The following SPATS1 variants were observed in gnomAD, a reference collection of about 807,000 sequenced individuals.
SPATS1 encodes spermatogenesis associated serine rich 1, also known as spermatogenesis-associated serine-rich protein 1.
In SPATS1, 23 loss-of-function variants were observed where a neutral mutation model predicts 33.6. That is an observed-to-expected ratio of 0.68 (90% CI 0.49 to 0.97). The LOEUF (loss-of-function observed/expected upper bound fraction) is 0.97, where lower values mean the gene tolerates loss of function less well. Among genes scored for constraint, SPATS1 ranks in the 50% least tolerant of loss-of-function variants. The pLI is 0.00. For missense variants in SPATS1, 327 were observed against 361.0 expected (o/e 0.91, Z 0.76); for synonymous variants, 131 against 125.6 (o/e 1.04, Z -0.29).
At chr6:44,362,687 G>A (rs1788993719) in intron 5 of SPATS1, among the ~76,000 whole-genome samples, 1 of 152,168 alleles carries the variant, frequency 6.6e-6, no homozygotes, top group Non-Finnish European at 1.5e-5. Flanking sequence ...TCATTTTTGA[G>A]TTTTAAAATA....
Position 44,376,652 on chromosome 6 carries a change from T to G in SPATS1, c.874+179T>G, listed in dbSNP as rs59061509. Reference sequence around the variant, plus strand: ...CCGTCTCTACTAAAAATACAAAAATTAGCTGGGTGTGGTGGCGCGTGCCTG... The same window carrying G: ...CCGTCTCTACTAAAAATACAAAAATGAGCTGGGTGTGGTGGCGCGTGCCTG... On this transcript the variant is annotated intron_variant, in intron 8 of 8. Coordinates refer to ENST00000674044, the MANE Select transcript of SPATS1 (RefSeq NM_001372081.1). 2.5e-3 allele frequency among the ~76,000 whole-genome samples: 374 copies of G among 152,120 alleles called. 11 individuals are homozygous for G. In the East Asian group the frequency reaches 0.067, roughly 27 times the overall value.
chr6:44,345,829 C>G (rs1161224736), intron 2 of SPATS1, among the ~76,000 whole-genome samples: 1 of 152,182 alleles, frequency 6.6e-6, no homozygotes, highest in Non-Finnish European at 1.5e-5. Flanking sequence ...ACATGCACTT[C>G]TCATAGGCTT....
At chr6:44,374,276 T>TA (rs764404044) in intron 7 of SPATS1, among the ~76,000 whole-genome samples, 31 of 152,240 alleles carry the variant, frequency 2.0e-4, no homozygotes, top group Non-Finnish European at 4.1e-4. Context: ...TATATTTCCT[T>TA]ACTTTTGTTC....
chr6:44,362,133 T>A, intron 5 of SPATS1, 141 bp downstream of exon 5: 1 of 1,048,126 alleles, frequency 9.5e-7, no homozygotes, highest in Non-Finnish European at 1.4e-6. Context: ...GACAGAAAAG[T>A]GAAGGGGACA....
intron 2 of SPATS1, among the ~76,000 whole-genome samples, chr6:44,350,398 T>TA (rs1393706550): frequency 6.6e-6 from 1 of 152,214 alleles, no homozygotes; most frequent in African/African-American, 2.4e-5. Context: ...GGGGCTTATT[T>TA]AAAATGCAGG....
intron 7 of SPATS1, among the ~76,000 whole-genome samples, chr6:44,373,879 G>A (rs1212127288): frequency 6.6e-6 from 1 of 152,208 alleles, no homozygotes; most frequent in Non-Finnish European, 1.5e-5. Flanking sequence ...AAGGTGGTGA[G>A]GTAATGGAGG....
intron 3 of SPATS1, among the ~76,000 whole-genome samples, chr6:44,353,333 C>A (rs932079229): frequency 2.6e-5 from 4 of 152,122 alleles, no homozygotes; most frequent in African/African-American, 4.8e-5. Context: ...CGGAAAGGGA[C>A]CCACACAGAT....
chr6:44,379,997 G>C lies in SPATS1; in HGVS notation c.*2934G>C, dbSNP rs1790131660. 6.6e-6 allele frequency among the ~76,000 whole-genome samples: 1 copy of C among 152,150 alleles called. No homozygotes were observed. The highest frequency in any genetic ancestry group is 6.5e-5 in the Admixed American group (1 of 15,276). On this transcript the variant is annotated 3_prime_UTR_variant, in exon 9 of 9. Transcript: ENST00000674044. ...TTCCACTGCCAACTTTGGACAGCATGAGTATGTCTACGTGTGTGGGGAGAC... is the reference window on the plus strand; with the variant it reads ...TTCCACTGCCAACTTTGGACAGCATCAGTATGTCTACGTGTGTGGGGAGAC...
chr6:44,380,075 C>G lies in SPATS1; in HGVS notation c.*3012C>G, dbSNP rs1455117933. ...AAAATATGTGCATATCATAGCTGTT[C>G]CAGCTTTTGCTTCTTTCCAGCTAGA... On this transcript the variant is annotated 3_prime_UTR_variant, in exon 9 of 9. Transcript: ENST00000674044. Among the ~76,000 whole-genome samples the G allele has an allele frequency of 6.6e-6, 1 of 152,142 alleles. No homozygotes were observed. Among genetic ancestry groups the G allele is most frequent in the Non-Finnish European group, 1.5e-5 (1 of 68,016 alleles).
intron 2 of SPATS1, among the ~76,000 whole-genome samples, chr6:44,348,779 C>T (rs961459984): frequency 2.6e-5 from 4 of 152,172 alleles, no homozygotes; most frequent in East Asian, 1.9e-4. Context: ...GTCAGGAGTT[C>T]GAGACCAGCC....
Position 44,363,860 on chromosome 6 carries a change from C to T in SPATS1, c.574+1868C>T, listed in dbSNP as rs530387026. Among the ~76,000 whole-genome samples the T allele has an allele frequency of 2.6e-5, 4 of 152,240 alleles. No individual in the cohort carries two copies. The East Asian group carries it at 5.8e-4, about 22-fold the overall frequency. ...TAAAATGAAATATCACAAATACTTG[C>T]GTTCTTTTACTCCACTTAAGAAATA... On this transcript the variant is annotated intron_variant, in intron 5 of 8. Transcript: ENST00000674044.
chr6:44,368,966 A>G (rs905502654), intron 6 of SPATS1, among the ~76,000 whole-genome samples: 26 of 147,786 alleles, frequency 1.8e-4, no homozygotes, highest in Non-Finnish European at 3.3e-4. Flanking sequence ...GTGCCATCTC[A>G]GCTCACTGCA....
intron 2 of SPATS1, among the ~76,000 whole-genome samples, chr6:44,345,065 G>A (rs914400462): frequency 6.6e-6 from 1 of 152,086 alleles, no homozygotes; most frequent in African/African-American, 2.4e-5. Context: ...GTAGCTGGAT[G>A]GTACTCTATG....
At chr6:44,343,069 T>G in intron 1 of SPATS1, 27 bp from the exon 2 acceptor site, 1 of 1,613,228 alleles carries the variant, frequency 6.2e-7, no homozygotes, top group Non-Finnish European at 8.5e-7. Flanking sequence ...GGGTTGCTTC[T>G]AATATTTAAA....
In SPATS1 at chr6:44,342,736, C is replaced by G; in HGVS notation, c.-33C>G. On this transcript the variant is annotated 5_prime_UTR_variant, in exon 1 of 9. Transcript: ENST00000674044. ...TTCTCAGGCCTCGGCGTGCGGCGTG[C>G]GTTCGGCAGTTCAGTTGCCAGTTGG... 2.1e-6 allele frequency: 1 copy of G among 468,622 alleles called. No homozygotes were observed. Among genetic ancestry groups the G allele is most frequent in the Non-Finnish European group, 4.2e-6 (1 of 235,884 alleles). The allele number at this position is 468,622 out of a possible 1,614,324, so 29.0% of individuals were successfully genotyped here. A position where few individuals can be genotyped will look rare whatever the true frequency, so the allele number is the denominator to read the frequency against.
intron 2 of SPATS1, among the ~76,000 whole-genome samples, chr6:44,349,024 G>A (rs1029823649): frequency 3.3e-5 from 5 of 152,074 alleles, no homozygotes; most frequent in African/African-American, 9.7e-5. Flanking sequence ...CCAGCTACTC[G>A]GGAGGCTGAG....
intron 5 of SPATS1, among the ~76,000 whole-genome samples, chr6:44,363,137 C>CT (rs35447842): frequency 0.59 from 86,272 of 146,538 alleles, 26,208 homozygotes; most frequent in Middle Eastern, 0.73. Context: ...GTGCCCAGCA[C>CT]TTTTTTTTTT....
chr6:44,375,574 C>G (rs751803123), intron 7 of SPATS1, among the ~76,000 whole-genome samples: 4 of 152,278 alleles, frequency 2.6e-5, no homozygotes, highest in South Asian at 4.1e-4. Context: ...CTTTGGGAGG[C>G]CAAGGTGGGA....
rs377002650 is a variant in SPATS1, at chr6:44,343,579, A to T, written c.139+345A>T. On this transcript the variant is annotated intron_variant, in intron 2 of 8. Coordinates refer to ENST00000674044, the MANE Select transcript of SPATS1 (RefSeq NM_001372081.1). The stretch of plus-strand genomic sequence containing the variant: ...ATTTGACATGAGCCTGGGATTTGAC[A>T]TGAGTCTGCCATACTTTCGAGCCTG... 1.4e-4 allele frequency: 64 copies of T among 462,638 alleles called. 4 individuals carry two copies. Among genetic ancestry groups the T allele is most frequent in the East Asian group, 5.7e-4 (9 of 15,864 alleles). The allele number at this position is 462,638 out of a possible 1,614,324, so 28.7% of individuals were successfully genotyped here.
Sources: allele counts gnomAD v4.1 joint callset (sites outside exome capture counted in the v4.1 genomes callset), GRCh38; gene constraint gnomAD v4.1.1; transcripts MANE v1.5; gene names NCBI Gene and HGNC (gene_info 2026-07-23, HGNC 2026-07-21).